SLC26A11: variants seen among roughly 807,000 people sequenced by gnomAD.
SLC26A11 encodes solute carrier family 26 member 11.
SLC26A11 carries 58 observed loss-of-function variants against 62.2 expected under a neutral mutation model. The ratio of observed to expected loss-of-function variants is 0.93; its 90% CI spans 0.76 to 1.16. The LOEUF (loss-of-function observed/expected upper bound fraction) is 1.16, where lower values mean the gene tolerates loss of function less well. SLC26A11 is among the 50% of genes most tolerant of loss of function. The pLI is 0.00. For synonymous variants in SLC26A11, 411 were observed against 368.9 expected (o/e 1.11, Z -1.31); for missense variants, 790 against 794.3 (o/e 0.99, Z 0.06).
chr17:80,230,665 A>G (rs1238881279), intron 7 of SLC26A11, among the ~76,000 whole-genome samples: 1 of 152,146 alleles, frequency 6.6e-6, no homozygotes, highest in Non-Finnish European at 1.5e-5. Context: ...GTACTTGCCT[A>G]ACCCTGAAGG....
intron 6 of SLC26A11, among the ~76,000 whole-genome samples, chr17:80,226,301 C>T (rs958270259): frequency 1.3e-5 from 2 of 152,144 alleles, no homozygotes; most frequent in African/African-American, 4.8e-5. Context: ...GAGGAGAACA[C>T]AGGGCGTGGG....
chr17:80,237,521 G>A lies in SLC26A11; in HGVS notation c.913-1G>A, dbSNP rs1352219615. Reference sequence around the variant, plus strand: ...CTCACCATCCCTCTCTCCTCTCTCAGGACATGGGAGCCGGGCTGGCCGTGG... The same window carrying A: ...CTCACCATCCCTCTCTCCTCTCTCAAGACATGGGAGCCGGGCTGGCCGTGG... On this transcript the variant is annotated splice_acceptor_variant, in intron 8 of 17. Transcript: ENST00000361193. LOFTEE classifies it high-confidence loss of function. 11 of 1,609,560 alleles carry A rather than the reference G, an allele frequency of 6.8e-6. No individual in the cohort carries two copies. The East Asian group carries it at 2.2e-4, about 33-fold the overall frequency.
At chr17:80,241,927 T>C (rs945735319) in intron 10 of SLC26A11, 106 bp downstream of exon 10, 2 of 1,311,342 alleles carry the variant, frequency 1.5e-6, no homozygotes, top group Non-Finnish European at 2.2e-6. Context: ...ATGGTGGTGA[T>C]GAACTGGGAG....
At chr17:80,234,891 C>T (rs2042652607) in intron 7 of SLC26A11, among the ~76,000 whole-genome samples, 1 of 148,312 alleles carries the variant, frequency 6.7e-6, no homozygotes, top group Non-Finnish European at 1.5e-5. Context: ...GCTCTGTTGT[C>T]CAGGCTGGAG....
At chr17:80,235,766 T>G (rs769800694) in intron 7 of SLC26A11, among the ~76,000 whole-genome samples, 1 of 152,246 alleles carries the variant, frequency 6.6e-6, no homozygotes, top group Non-Finnish European at 1.5e-5. Context: ...TAAATCTTCT[T>G]GAGCTTTGTT....
Position 80,251,391 on chromosome 17 carries a change from GGAA to G in SLC26A11, c.1724_1726del (p.Glu575del), listed in dbSNP as rs1449935470. The G allele has an allele frequency of 6.2e-7, 1 of 1,613,938 alleles. No homozygotes were observed. Among genetic ancestry groups the G allele is most frequent in the Non-Finnish European group, 8.5e-7 (1 of 1,179,982 alleles). On this transcript the variant is annotated inframe_deletion, in exon 17 of 18. Transcript: ENST00000361193. ...AGGGGTTCCAGTACTTCTCTACCCT[GGAA>G]GAAGCAGGTGGGCACAGTCAGACAT...
chr17:80,240,375 A>C (rs2042827935), intron 9 of SLC26A11, among the ~76,000 whole-genome samples: 1 of 151,620 alleles, frequency 6.6e-6, no homozygotes, highest in African/African-American at 2.4e-5. Flanking sequence ...TCAAAAAAAA[A>C]AGTTTGCCAA....
chr17:80,225,792 G>A, intron 5 of SLC26A11, 45 bp from the exon 6 acceptor site: 2 of 1,564,686 alleles, frequency 1.3e-6, no homozygotes, highest in Non-Finnish European at 1.8e-6. Flanking sequence ...AGATGGCCTT[G>A]GTTTGGGAGC....
At chr17:80,244,902 G>T (rs190637145) in intron 10 of SLC26A11, among the ~76,000 whole-genome samples, 1 of 150,826 alleles carries the variant, frequency 6.6e-6, no homozygotes, top group Non-Finnish European at 1.5e-5. Context: ...CTTGAACTGG[G>T]AGGCGGAGGC....
rs960762810 is a variant in SLC26A11, at chr17:80,228,232, A to T, written c.736+272A>T. On this transcript the variant is annotated intron_variant, in intron 7 of 17. Transcript: ENST00000361193. This position sits in a 1 kb window ranked among gnomAD's most constrained non-coding sequence, Gnocchi z 4.1. ...ACTGCAACCTCCGCCTCCCAGGTTC[A>T]TGTGATTCTCCTGCCTCAGCCTCCT... 5.9e-5 allele frequency among the ~76,000 whole-genome samples: 9 copies of T among 152,166 alleles called. No homozygotes were observed. Among genetic ancestry groups the T allele is most frequent in the African/African-American group, 2.2e-4 (9 of 41,424 alleles).
rs751000853 is a variant in SLC26A11, at chr17:80,223,382, C to T, written c.513+45C>T. 39 of 1,579,072 alleles carry T rather than the reference C, an allele frequency of 2.5e-5. No homozygotes were observed. Among genetic ancestry groups the T allele is most frequent in the African/African-American group, 8.1e-5 (6 of 74,116 alleles). On this transcript the variant is annotated intron_variant, in intron 5 of 17. Coordinates refer to ENST00000361193, the MANE Select transcript of SLC26A11 (RefSeq NM_001166347.2). This position sits in a 1 kb window ranked among gnomAD's most constrained non-coding sequence, Gnocchi z 4.6. ...AGGGCACTGCTCTTTGGCCACTGCT[C>T]GTTGGCACAGGGATGGCGGGAGCAG...
At chr17:80,248,792 G>A (rs2043081486) in intron 15 of SLC26A11, 118 bp downstream of exon 15, 3 of 1,050,618 alleles carry the variant, frequency 2.9e-6, no homozygotes, top group Non-Finnish European at 4.2e-6. Context: ...CAAGGATGCA[G>A]GCATCTCTGA....
At chr17:80,237,459 A>T (rs773779734) in intron 8 of SLC26A11, 63 bp from the exon 9 acceptor site, 1 of 1,488,434 alleles carries the variant, frequency 6.7e-7, no homozygotes, top group East Asian at 2.4e-5. Context: ...TGCTGCTTTC[A>T]TGGGTCACTG....
chr17:80,246,759 G>A lies in SLC26A11; in HGVS notation c.1294+110G>A, dbSNP rs2043010737. On this transcript the variant is annotated intron_variant, in intron 13 of 17. Transcript: ENST00000361193. This position sits in a 1 kb window ranked among gnomAD's most constrained non-coding sequence, Gnocchi z 4.4. ...AGCCCCCTCTGTGGGGCTGGGACTG[G>A]GAAGTTAGGGCAGTCCCGGAACAGA... is the stretch of plus-strand genomic sequence containing the variant. 3 of 1,406,806 alleles carry A rather than the reference G, an allele frequency of 2.1e-6. No individual in the cohort carries two copies. In the African/African-American group the frequency reaches 4.3e-5, roughly 20 times the overall value. The allele number at this position is 1,406,806 out of a possible 1,614,324, so 87.1% of individuals were successfully genotyped here.
In SLC26A11 at chr17:80,221,674, G is replaced by A. The variant is rs762391907; in HGVS notation, c.114G>A (p.Ala38=). 5 of 1,613,236 alleles carry A rather than the reference G, an allele frequency of 3.1e-6. No homozygotes were observed. Among genetic ancestry groups the A allele is most frequent in the East Asian group, 4.5e-5 (2 of 44,884 alleles). ...TGCAGAGGAGGCTGCCCATCCTGGC[G>A]TGGCTGCCCAGCTACTCCCTGCAGT... ...AALQRRLPIL[A]WLPSYSLQWL... The change falls in exon 3 of 18, where the codon GCG becomes GCA. Residue 38 remains alanine, a synonymous_variant. Coordinates refer to ENST00000361193, the MANE Select transcript of SLC26A11 (RefSeq NM_001166347.2).
chr17:80,240,346 G>A (rs1407792105), intron 9 of SLC26A11, among the ~76,000 whole-genome samples: 8 of 151,834 alleles, frequency 5.3e-5, no homozygotes, highest in African/African-American at 9.7e-5. Flanking sequence ...CAGCCTGGGC[G>A]ACAGAGCAAG....
In SLC26A11 at chr17:80,246,516, G is replaced by C. The variant is rs567774859; in HGVS notation, c.1161G>C (p.Leu387=). Residue 387 remains leucine, a synonymous_variant, in exon 13 of 18, where the codon CTG becomes CTC. Transcript: ENST00000361193. The surrounding 1 kb of genome is among the most constrained non-coding windows in gnomAD (Gnocchi z 4.4). ...TGTTCCCGTGCCCCGCAGGAGTGCT[G>C]GTGCTGCTGTCTCTGGACTACCTGA... is the stretch of plus-strand genomic sequence containing the variant. ...TPAGGLVTGV[L]VLLSLDYLTS... 6.6e-5 allele frequency: 107 copies of C among 1,611,666 alleles called. No individual in the cohort carries two copies. The South Asian group carries it at 1.1e-3, about 17-fold the overall frequency.
chr17:80,241,138 A>T (rs537622725), intron 9 of SLC26A11, among the ~76,000 whole-genome samples: 5 of 152,380 alleles, frequency 3.3e-5, no homozygotes, highest in African/African-American at 1.2e-4. Context: ...TTTAATTGGT[A>T]ATAATGGCTG....
intron 10 of SLC26A11, among the ~76,000 whole-genome samples, chr17:80,242,953 T>A (rs1056851469): frequency 6.6e-6 from 1 of 152,154 alleles, no homozygotes; most frequent in Non-Finnish European, 1.5e-5. Context: ...GTGATCCGCC[T>A]GCCTTGGCCT....
Sources: gnomAD v4.1 joint callset for allele counts (sites outside exome capture counted in the v4.1 genomes callset) on GRCh38, gnomAD v4.1.1 for gene constraint, Gnocchi (gnomAD v3.1) non-coding constraint, MANE v1.5 for transcripts, NCBI Gene and HGNC (gene_info 2026-07-23, HGNC 2026-07-21) for gene names.